MUC5AC: variants seen among roughly 807,000 people sequenced by gnomAD.
The protein encoded by MUC5AC is mucin-5AC.
MUC5AC carries 158 observed loss-of-function variants against 169.7 expected under a neutral mutation model. That is an observed-to-expected ratio of 0.93 (90% confidence interval 0.82 to 1.06). The LOEUF is 1.06. MUC5AC is among the 50% of genes least tolerant of loss of function. MUC5AC has a pLI of 0.00. For missense variants in MUC5AC, 4,359 were observed against 3,089.9 expected (o/e 1.41, Z -9.74); for synonymous variants, 1,975 against 1,237.0 (o/e 1.60, Z -12.52).
chr11:1,195,067 C>T lies in MUC5AC; in HGVS notation c.15246C>T (p.Val5082=), dbSNP rs753600793. The change falls in exon 36 of 49, where the codon GTC becomes GTT. Residue 5082 remains valine, a synonymous_variant. Coordinates refer to ENST00000621226, the MANE Select transcript of MUC5AC (RefSeq NM_001304359.2). ...GCCGCACGCCTAGGGGGACGGTGGT[C>T]GCTTCCTGCTCCGAGATGTCCGGCC... The part of the protein sequence containing the change: ...DECRTPRGTV[V]ASCSEMSGLW... 1.7e-5 allele frequency: 13 copies of T among 755,344 alleles called. No homozygotes were observed. Among genetic ancestry groups the T allele is most frequent in the East Asian group, 9.8e-5 (4 of 40,650 alleles). 46.8% of individuals were successfully genotyped at this position (755,344 alleles called of 1,614,324 possible).
chr11:1,196,112 C>T (rs370229655), intron 37 of MUC5AC, 58 bp downstream of exon 37: 57 of 710,430 alleles, frequency 8.0e-5, no homozygotes, highest in South Asian at 6.5e-4. Flanking sequence ...ACAGGCACGC[C>T]GGACGGACCA....
At chr11:1,165,229 C>T in intron 9 of MUC5AC, 73 bp from the exon 10 acceptor site, 1 of 1,412,320 alleles carries the variant, frequency 7.1e-7, no homozygotes, top group Admixed American at 1.9e-5. Flanking sequence ...GTGGGGCCGC[C>T]ATGTTGTTCC....
Position 1,176,260 on chromosome 11 carries a change from C to T in MUC5AC, c.2502+9C>T. ...CACTGGACATGACCTGTGTAAGTCC[C>T]TGAGGACTCCCCAATGACAGACCCT... On this transcript the variant is annotated intron_variant, in intron 20 of 48. Transcript: ENST00000621226. The T allele has an allele frequency of 2.5e-6, 1 of 398,710 alleles. No homozygotes were observed. Among genetic ancestry groups the T allele is most frequent in the Non-Finnish European group, 4.4e-6 (1 of 226,104 alleles). The allele number at this position is 398,710 out of a possible 1,614,324, so 24.7% of individuals were successfully genotyped here. A position where few individuals can be genotyped will look rare whatever the true frequency, so the allele number is the denominator to read the frequency against.
Position 1,162,127 on chromosome 11 carries a change from C to A in MUC5AC, c.432C>A (p.Val144=). ...SRVLMKVDGV[V]IQLTKGSVLV... ...TCCTCATGAAGGTGGATGGCGTGGT[C>A]ATCCAGCTGACCAAGGGCTCCGTCC... Residue 144 remains valine (V), a synonymous_variant, in exon 4 of 49, where the codon GTC becomes GTA. Transcript: ENST00000621226. 6.2e-7 allele frequency: 1 copy of A among 1,612,592 alleles called. No individual in the cohort carries two copies. Among genetic ancestry groups the A allele is most frequent in the South Asian group, 1.1e-5 (1 of 91,078 alleles).
At chr11:1,168,460 C>T (rs775237129) in intron 12 of MUC5AC, 23 bp from the exon 13 acceptor site, 2 of 1,611,028 alleles carry the variant, frequency 1.2e-6, no homozygotes, top group South Asian at 2.2e-5. Flanking sequence ...CCCGCGCTCA[C>T]ACATCTGTCT....
intron 3 of MUC5AC, 75 bp downstream of exon 3, chr11:1,161,661 C>T (rs1021487856): frequency 3.4e-5 from 51 of 1,508,826 alleles, no homozygotes; most frequent in East Asian, 6.9e-5. Flanking sequence ...CTGGAGGTGC[C>T]GGGTGGAGAG....
At position 1,163,985 on chromosome 11, in the gene MUC5AC, T is replaced by G. The variant is rs1368467670; in HGVS notation, c.783T>G (p.Thr261=). 9 of 1,610,448 alleles carry G rather than the reference T, an allele frequency of 5.6e-6. No individual in the cohort carries two copies. In the Admixed American group the frequency reaches 8.4e-5, roughly 15 times the overall value. The change falls in exon 7 of 49, where the codon ACT becomes ACG. Residue 261 remains threonine (T), a synonymous_variant. Coordinates refer to ENST00000621226, the MANE Select transcript of MUC5AC (RefSeq NM_001304359.2). ...PVPEPPRNCS[T]GFGICEELLH... ...CTGAACCCCCGAGGAACTGCTCCACTGGCTTTGTAAGCCTTGGAGGGAACA... is the reference window on the plus strand; with the variant it reads ...CTGAACCCCCGAGGAACTGCTCCACGGGCTTTGTAAGCCTTGGAGGGAACA...
chr11:1,185,625 C>T lies in MUC5AC; in HGVS notation c.7480C>T (p.Pro2494Ser). ...TTSGPETTPR[P>S]VPTTSTTSSP... ...CTCTGGTCCTGAAACTACTCCTAGA[C>T]CTGTTCCTACCACCAGCACAACCTC... The change falls in exon 31 of 49, where the codon CCT becomes TCT. Residue 2494 changes from proline to serine, a missense_variant. Transcript: ENST00000621226. 1.4e-6 allele frequency: 1 copy of T among 733,318 alleles called. No homozygotes were observed. Among genetic ancestry groups the T allele is most frequent in the Non-Finnish European group, 2.5e-6 (1 of 402,230 alleles). 45.4% of individuals were successfully genotyped at this position (733,318 alleles called of 1,614,324 possible). A position where few individuals can be genotyped will look rare whatever the true frequency, so the allele number is the denominator to read the frequency against.
chr11:1,161,023 C>T (rs538640397), intron 2 of MUC5AC, among the ~76,000 whole-genome samples: 10 of 152,326 alleles, frequency 6.6e-5, no homozygotes, highest in African/African-American at 2.2e-4. Context: ...CCTCCTGACG[C>T]TTCAGCAACA....
chr11:1,162,195 G>A (rs1170046527), intron 4 of MUC5AC, 27 bp downstream of exon 4: 3 of 1,600,102 alleles, frequency 1.9e-6, no homozygotes, highest in Non-Finnish European at 2.6e-6. Context: ...GGATGGTGGG[G>A]GCCACGCGGC....
chr11:1,172,573 A>G (rs1468005871), intron 16 of MUC5AC, 50 bp downstream of exon 16: 2 of 398,526 alleles, frequency 5.0e-6, no homozygotes, highest in Non-Finnish European at 8.8e-6. Context: ...ACTGAGCCTC[A>G]CGGCTGCCTC....
intron 33 of MUC5AC, 93 bp from the exon 34 acceptor site, chr11:1,194,017 G>A: frequency 1.4e-6 from 1 of 705,580 alleles, no homozygotes; most frequent in Non-Finnish European, 2.6e-6. Context: ...ACGGTGGGGG[G>A]TCAGGGACAG....
In MUC5AC at chr11:1,168,102, C is replaced by G; in HGVS notation, c.1497+115C>G. The G allele has an allele frequency of 4.6e-6, 4 of 876,900 alleles. No individual in the cohort carries two copies. In the South Asian group the frequency reaches 6.1e-5, roughly 13 times the overall value. 54.3% of individuals were successfully genotyped at this position (876,900 alleles called of 1,614,324 possible). ...GCATGAACAGCGAGAGGCGGGGACCCTCTGGCAACACTGGCTGTGTCCATT... is the reference window on the plus strand; with the variant it reads ...GCATGAACAGCGAGAGGCGGGGACCGTCTGGCAACACTGGCTGTGTCCATT... On this transcript the variant is annotated intron_variant, in intron 12 of 48. Transcript: ENST00000621226.
intron 1 of MUC5AC, among the ~76,000 whole-genome samples, chr11:1,159,403 T>G (rs2133710023): frequency 2.5e-5 from 3 of 121,326 alleles, no homozygotes; most frequent in East Asian, 2.7e-4. Context: ...AGTCCCACGA[T>G]GATGGTGCTG....
intron 38 of MUC5AC, 71 bp downstream of exon 38, chr11:1,196,546 T>G: frequency 2.6e-6 from 2 of 763,906 alleles, no homozygotes; most frequent in Non-Finnish European, 4.8e-6. Context: ...CCGCTGCATC[T>G]CCCACTCCCA....
rs1191772462 is a variant in MUC5AC at position 1,186,474 on chromosome 11, A to G, written c.8329A>G (p.Thr2777Ala). 4 of 695,862 alleles carry G rather than the reference A, an allele frequency of 5.7e-6. No homozygotes were observed. The African/African-American group carries it at 7.0e-5, about 12-fold the overall frequency. 43.1% of individuals were successfully genotyped at this position (695,862 alleles called of 1,614,324 possible). A position where few individuals can be genotyped will look rare whatever the true frequency, so the allele number is the denominator to read the frequency against. ...TACAACCAGCACAACCTCTGCTACT[A>G]CAACCAGCACAATCTCTGCCCCTAC... Reference protein sequence around the residue: ...ATTTSTTSATTTSTISAPTTS... With the variant: ...ATTTSTTSATATSTISAPTTS... The change falls in exon 31 of 49, where the codon ACA becomes GCA. Residue 2777 changes from threonine to alanine, a missense_variant. Physicochemically the swap from Thr to Ala is moderately conservative, Grantham distance 58 (BLOSUM62 0). Coordinates refer to ENST00000621226, the MANE Select transcript of MUC5AC (RefSeq NM_001304359.2).
intron 15 of MUC5AC, among the ~76,000 whole-genome samples, chr11:1,171,936 C>T (rs1370917391): frequency 1.6e-4 from 12 of 77,102 alleles, no homozygotes; most frequent in East Asian, 5.1e-4. Context: ...CTCACTCATC[C>T]ACTCATTCAC....
At chr11:1,178,296 C>T in intron 24 of MUC5AC, 148 bp from the exon 25 acceptor site, 1 of 399,016 alleles carries the variant, frequency 2.5e-6, no homozygotes, top group South Asian at 1.3e-4. Context: ...GAGGAAGCAG[C>T]ACCTGTGGTC....
intron 39 of MUC5AC, 52 bp from the exon 40 acceptor site, chr11:1,196,825 G>A (rs1861288300): frequency 9.3e-6 from 7 of 753,058 alleles, no homozygotes; most frequent in South Asian, 4.1e-5. Flanking sequence ...CCTGCCTCTC[G>A]CCCCTATTGT....
Sources: allele counts gnomAD v4.1 joint callset (sites outside exome capture counted in the v4.1 genomes callset), GRCh38; gene constraint gnomAD v4.1.1; transcripts MANE v1.5; gene names NCBI Gene and HGNC (gene_info 2026-07-23, HGNC 2026-07-21).